Variants in LIX1 observed in about 807,000 individuals in gnomAD.
LIX1 encodes the protein protein limb expression 1 homolog.
Under a neutral mutation model 33.4 loss-of-function variants are expected in LIX1, and 24 were observed. The ratio of observed to expected loss-of-function variants is 0.72; its 90% CI spans 0.52 to 1.01. The LOEUF is 1.01. LIX1 is among the 50% of genes least tolerant of loss of function. LIX1 has a pLI of 0.00. For missense variants in LIX1, 311 were observed against 339.2 expected (o/e 0.92, Z 0.65); for synonymous variants, 124 against 124.0 (o/e 1.00, Z 0.00).
intron 5 of LIX1, among the ~76,000 whole-genome samples, chr5:97,096,269 G>A (rs1019437152): frequency 9.2e-5 from 14 of 152,306 alleles, no homozygotes; most frequent in African/African-American, 3.1e-4. Context: ...TAGTGAGACC[G>A]TGTCTCTGAA....
chr5:97,110,418 A>T (rs1168063317), intron 2 of LIX1, among the ~76,000 whole-genome samples: 1 of 152,152 alleles, frequency 6.6e-6, no homozygotes, highest in Non-Finnish European at 1.5e-5. Context: ...TACAATAAAG[A>T]GTGATTTATT....
intron 1 of LIX1, among the ~76,000 whole-genome samples, chr5:97,134,989 A>C (rs1157121927): frequency 1.3e-5 from 2 of 152,136 alleles, no homozygotes; most frequent in Non-Finnish European, 2.9e-5. Context: ...TTAACTCTTC[A>C]CCAACTGGAA....
At position 97,094,084 on chromosome 5, in the gene LIX1, C is replaced by T. The variant is rs189040890; in HGVS notation, c.*664G>A. The T allele has an allele frequency of 1.2e-4, 18 of 152,218 alleles. No homozygotes were observed. In the East Asian group the frequency reaches 3.4e-3, roughly 29 times the overall value. The allele number at this position is 152,218 out of a possible 1,614,324, so 9.4% of individuals were successfully genotyped here. ...GGCTACTTTTCTAGGTGATATTTAT[C>T]CCCATATATGGAAGAGTGTGGGTTT... On this transcript the variant is annotated 3_prime_UTR_variant, in exon 6 of 6. Coordinates refer to ENST00000274382, the MANE Select transcript of LIX1 (RefSeq NM_153234.5).
Position 97,094,477 on chromosome 5 carries a change from G to C in LIX1, c.*271C>G, listed in dbSNP as rs1746237446. The C allele has an allele frequency of 2.3e-6, 1 of 440,360 alleles. No homozygotes were observed. The allele number at this position is 440,360 out of a possible 1,614,324, so 27.3% of individuals were successfully genotyped here. On this transcript the variant is annotated 3_prime_UTR_variant, in exon 6 of 6. Transcript: ENST00000274382. ...CAGTCAGGCTTTAGGTTGGAGCCAG[G>C]CCTGGAAAATGTTTTTCAAACAATT...
intron 2 of LIX1, among the ~76,000 whole-genome samples, chr5:97,116,150 C>T (rs575051934): frequency 3.3e-5 from 5 of 152,294 alleles, no homozygotes; most frequent in South Asian, 2.1e-4. Context: ...CAAGCCTTCA[C>T]GAAGAATGCC....
chr5:97,101,132 G>A (rs1322528854), intron 4 of LIX1, among the ~76,000 whole-genome samples: 1 of 151,770 alleles, frequency 6.6e-6, no homozygotes, highest in Non-Finnish European at 1.5e-5. Flanking sequence ...AAAGTGAGTG[G>A]GGCCAATTAT....
At chr5:97,136,560 A>G (rs909029425) in intron 1 of LIX1, among the ~76,000 whole-genome samples, 1 of 152,210 alleles carries the variant, frequency 6.6e-6, no homozygotes, top group Admixed American at 6.5e-5. Flanking sequence ...GGAACTTACA[A>G]CTTAGGTGTG....
chr5:97,120,923 C>T (rs1170251812), intron 2 of LIX1, among the ~76,000 whole-genome samples: 2 of 152,110 alleles, frequency 1.3e-5, no homozygotes, highest in African/African-American at 2.4e-5. Context: ...TTTCATGTTT[C>T]AATGAATAAT....
At position 97,123,738 on chromosome 5, in the gene LIX1, C is replaced by T. The variant is rs115964968; in HGVS notation, c.246+728G>A. On this transcript the variant is annotated intron_variant, in intron 2 of 5. Coordinates refer to ENST00000274382, the MANE Select transcript of LIX1 (RefSeq NM_153234.5). Reference sequence around the variant, plus strand: ...ATCTCTTATGGTTTGATGTGAGTGCCTACCTGTCCTCTCCCAACCGTTCCT... The same window carrying T: ...ATCTCTTATGGTTTGATGTGAGTGCTTACCTGTCCTCTCCCAACCGTTCCT... Among the ~76,000 whole-genome samples, 1,355 of 152,256 alleles carry T rather than the reference C, an allele frequency of 8.9e-3. 27 individuals carry two copies. The highest frequency in any genetic ancestry group is 0.031 in the African/African-American group (1,293 of 41,524).
intron 1 of LIX1, among the ~76,000 whole-genome samples, chr5:97,134,457 TG>T (rs2033481837): frequency 9.2e-5 from 14 of 152,228 alleles, no homozygotes; most frequent in Admixed American, 9.2e-4. Context: ...TCTGAACAGA[TG>T]GATTTATGTT....
chr5:97,091,909 T>C lies in LIX1; in HGVS notation c.*2839A>G, dbSNP rs866853445. 6.6e-6 allele frequency: 1 copy of C among 152,384 alleles called. No homozygotes were observed. Among genetic ancestry groups the C allele is most frequent in the Non-Finnish European group, 1.5e-5 (1 of 68,036 alleles). The allele number at this position is 152,384 out of a possible 1,614,324, so 9.4% of individuals were successfully genotyped here. A position where few individuals can be genotyped will look rare whatever the true frequency, so the allele number is the denominator to read the frequency against. ...ACGACTTTATTAAATCTGTACTTTC[T>C]GACCCATTTATCCAAGTTTAGTGAC... On this transcript the variant is annotated 3_prime_UTR_variant, in exon 6 of 6. Coordinates refer to ENST00000274382, the MANE Select transcript of LIX1 (RefSeq NM_153234.5).
chr5:97,108,084 C>T (rs1250810973), intron 2 of LIX1, among the ~76,000 whole-genome samples: 3 of 152,198 alleles, frequency 2.0e-5, no homozygotes, highest in Non-Finnish European at 1.5e-5. Context: ...AGATGAAGCA[C>T]TGGAAATACC....
At chr5:97,129,743 A>G (rs1004709119) in intron 1 of LIX1, among the ~76,000 whole-genome samples, 3 of 152,236 alleles carry the variant, frequency 2.0e-5, no homozygotes, top group Non-Finnish European at 4.4e-5. Flanking sequence ...AGAAAGAATT[A>G]TATCATTTCC....
chr5:97,117,925 A>G (rs576374259), intron 2 of LIX1, among the ~76,000 whole-genome samples: 93 of 147,426 alleles, frequency 6.3e-4, no homozygotes, highest in African/African-American at 2.4e-3. Context: ...CAAATGGAAA[A>G]AAAAAAAAAA....
intron 1 of LIX1, among the ~76,000 whole-genome samples, chr5:97,135,989 C>T (rs1220645410): frequency 6.6e-6 from 1 of 152,102 alleles, no homozygotes; most frequent in Non-Finnish European, 1.5e-5. Flanking sequence ...ATCTTCCTTC[C>T]CTGGAAACAG....
intron 5 of LIX1, 118 bp from the exon 6 acceptor site, chr5:97,095,153 A>T (rs1746312738): frequency 1.0e-6 from 1 of 1,000,490 alleles, no homozygotes; most frequent in South Asian, 1.7e-5. Flanking sequence ...CATCTCTCTC[A>T]TGTTCAAAAA....
At chr5:97,124,705 G>T (rs2112788891) in intron 1 of LIX1, 76 bp from the exon 2 acceptor site, 2 of 1,298,528 alleles carry the variant, frequency 1.5e-6, no homozygotes, top group Non-Finnish European at 2.1e-6. Context: ...TTATTTGCAA[G>T]CTGGATTCTG....
chr5:97,096,356 G>A (rs1164443601), intron 5 of LIX1, among the ~76,000 whole-genome samples: 1 of 152,132 alleles, frequency 6.6e-6, no homozygotes, highest in Non-Finnish European at 1.5e-5. Flanking sequence ...AATCATTTCT[G>A]TTGTTTATTG....
At chr5:97,125,781 C>T (rs1314137503) in intron 1 of LIX1, among the ~76,000 whole-genome samples, 6 of 152,244 alleles carry the variant, frequency 3.9e-5, no homozygotes, top group East Asian at 1.9e-4. Context: ...CATGTGGTCT[C>T]GAGGGGTGCA....
Sources: gnomAD v4.1 joint callset for allele counts (sites outside exome capture counted in the v4.1 genomes callset) on GRCh38, gnomAD v4.1.1 for gene constraint, MANE v1.5 for transcripts, NCBI Gene and HGNC (gene_info 2026-07-23, HGNC 2026-07-21) for gene names.